SATB2: variants seen among roughly 807,000 people sequenced by gnomAD.
The protein encoded by SATB2 is DNA-binding protein SATB2.
Under a neutral mutation model 73.4 loss-of-function variants are expected in SATB2, and 1 was observed. The ratio of observed to expected loss-of-function variants is 0.01; its 90% confidence interval spans 0.00 to 0.06. The LOEUF is 0.06. Ranked by LOEUF, SATB2 falls within the 10% of genes least tolerant of loss-of-function variation. The probability of loss-of-function intolerance (pLI) is 1.00; values close to 1 mark genes in which losing one functional copy is unlikely to be tolerated. For missense variants in SATB2, 459 were observed against 945.8 expected (o/e 0.49, Z 6.75); for synonymous variants, 397 against 367.0 (o/e 1.08, Z -0.93).
At chr2:199,386,714 GCGCACACACACACACA>G (rs1327876868) in intron 3 of SATB2, among the ~76,000 whole-genome samples, 3,496 of 22,262 alleles carry the variant, frequency 0.16, 61 homozygotes, top group Non-Finnish European at 0.2. Context: ...GCGCGCGCGC[GCGCACACACACACACA>G]CACACACACA....
chr2:199,306,853 C>A (rs1284824350), intron 10 of SATB2, among the ~76,000 whole-genome samples: 1 of 152,156 alleles, frequency 6.6e-6, no homozygotes, highest in Admixed American at 6.5e-5. Flanking sequence ...ACAAACAATG[C>A]ATTTTATTAC....
chr2:199,461,075 T>C (rs1165276682), upstream of SATB2, among the ~76,000 whole-genome samples: 2 of 152,216 alleles, frequency 1.3e-5, no homozygotes, highest in Non-Finnish European at 2.9e-5. Flanking sequence ...AAATGTCAAA[T>C]ACGATTAATT....
At chr2:199,384,566 T>C (rs1689873260) in intron 3 of SATB2, among the ~76,000 whole-genome samples, 2 of 152,322 alleles carry the variant, frequency 1.3e-5, no homozygotes, top group South Asian at 4.1e-4. Context: ...TGATATAAAA[T>C]AGACAAAAAT....
intron 7 of SATB2, among the ~76,000 whole-genome samples, chr2:199,330,862 G>C (rs1275441871): frequency 2.0e-5 from 3 of 152,084 alleles, no homozygotes; most frequent in Non-Finnish European, 4.4e-5. Flanking sequence ...GCATATAAAG[G>C]ATGAGTTGGT....
At chr2:199,298,936 A>G (rs1687200206) in intron 10 of SATB2, among the ~76,000 whole-genome samples, 1 of 152,200 alleles carries the variant, frequency 6.6e-6, no homozygotes, top group South Asian at 2.1e-4. Context: ...TTCCTAGAAC[A>G]GCATGTGACT....
chr2:199,411,832 TA>T (rs1690829181), intron 3 of SATB2, among the ~76,000 whole-genome samples: 1 of 152,196 alleles, frequency 6.6e-6, no homozygotes, highest in Non-Finnish European at 1.5e-5. Flanking sequence ...ATAAGTGTTA[TA>T]GGGGCATAAA....
In SATB2 at chr2:199,439,830, G is replaced by A. The variant is rs544654948; in HGVS notation, c.170-6316C>T. 6.6e-5 allele frequency among the ~76,000 whole-genome samples: 10 copies of A among 152,166 alleles called. No individual in the cohort carries two copies. In the South Asian group the frequency reaches 1.5e-3, roughly 22 times the overall value. ...CATCCTAAAATAATAGAGGCTGGGC[G>A]CAGTGGCTCACACCTGTAATCTCAG... On this transcript the variant is annotated intron_variant, in intron 2 of 10. Transcript: ENST00000417098.
In SATB2 at chr2:199,272,012, T is replaced by C. The variant is rs1692171907; in HGVS notation, c.*199A>G. ...ATGTCTGATTCGGAAATACTGAACT[T>C]ATTCAGTCTATAGGTGTATCCTGTG... is the stretch of plus-strand genomic sequence containing the variant. On this transcript the variant is annotated 3_prime_UTR_variant, in exon 11 of 11. Transcript: ENST00000417098. The surrounding 1 kb of genome is among the most constrained non-coding windows in gnomAD (Gnocchi z 6.7). 1 of 619,466 alleles carries C rather than the reference T, an allele frequency of 1.6e-6. No homozygotes were observed. The allele number at this position is 619,466 out of a possible 1,614,324, so 38.4% of individuals were successfully genotyped here. A position where few individuals can be genotyped will look rare whatever the true frequency, so the allele number is the denominator to read the frequency against.
chr2:199,457,952 C>CAG (rs976139030), upstream of SATB2: 4 of 152,990 alleles, frequency 2.6e-5, no homozygotes, highest in Non-Finnish European at 5.9e-5. The surrounding 1 kb of genome is among the most constrained non-coding windows in gnomAD (Gnocchi z 4.8). Context: ...TGACAAGCCG[C>CAG]AGAGAGAGAC....
chr2:199,280,387 T>C (rs1406862734), intron 10 of SATB2, among the ~76,000 whole-genome samples: 4 of 152,040 alleles, frequency 2.6e-5, no homozygotes, highest in East Asian at 3.9e-4. Flanking sequence ...AATATGAAAT[T>C]TGGGCACCTT....
intron 10 of SATB2, among the ~76,000 whole-genome samples, chr2:199,284,510 GA>G (rs1692627198): frequency 6.6e-6 from 1 of 152,076 alleles, no homozygotes; most frequent in Non-Finnish European, 1.5e-5. Flanking sequence ...ACATCTACCT[GA>G]GGCTGGATTT....
chr2:199,458,818 G>C (rs561287338), upstream of SATB2: 3 of 337,684 alleles, frequency 8.9e-6, no homozygotes, highest in Non-Finnish European at 1.8e-5. Flanking sequence ...CGGTGCCTGC[G>C]AGCTCCCCCT....
At position 199,308,681 on chromosome 2, in the gene SATB2, G is replaced by T; in HGVS notation, c.1740+79C>A. The T allele has an allele frequency of 8.1e-7, 1 of 1,232,646 alleles. No homozygotes were observed. Among genetic ancestry groups the T allele is most frequent in the Non-Finnish European group, 1.2e-6 (1 of 843,938 alleles). 76.4% of individuals were successfully genotyped at this position (1,232,646 alleles called of 1,614,324 possible). Reference sequence around the variant, plus strand: ...CCTCTGACAGAAGTTGGTGTGGTGTGTGCCACTTGGACCCTCAGCAGCTAC... The same window carrying T: ...CCTCTGACAGAAGTTGGTGTGGTGTTTGCCACTTGGACCCTCAGCAGCTAC... On this transcript the variant is annotated intron_variant, in intron 10 of 10. Coordinates refer to ENST00000417098, the MANE Select transcript of SATB2 (RefSeq NM_001172509.2). This position sits in a 1 kb window ranked among gnomAD's most constrained non-coding sequence, Gnocchi z 4.6.
At chr2:199,291,927 A>G (rs918323622) in intron 10 of SATB2, among the ~76,000 whole-genome samples, 41 of 152,204 alleles carry the variant, frequency 2.7e-4, no homozygotes, top group African/African-American at 9.4e-4. Context: ...AAAATAAATA[A>G]AAATAAAAAC....
At chr2:199,374,185 C>T (rs1021545171) in intron 5 of SATB2, among the ~76,000 whole-genome samples, 3 of 152,220 alleles carry the variant, frequency 2.0e-5, no homozygotes, top group Non-Finnish European at 4.4e-5. Context: ...AACATCTCTG[C>T]AGCTCAATAG....
intron 6 of SATB2, among the ~76,000 whole-genome samples, chr2:199,360,026 T>C (rs1574545068): frequency 6.6e-6 from 1 of 152,224 alleles, no homozygotes; most frequent in Admixed American, 6.5e-5. Context: ...GTATCTTACA[T>C]AGCATTTATA....
chr2:199,425,862 C>T (rs115836380), intron 3 of SATB2, among the ~76,000 whole-genome samples: 1 of 152,232 alleles, frequency 6.6e-6, no homozygotes, highest in African/African-American at 2.4e-5. Flanking sequence ...TCACTGTGTG[C>T]ATATGAACAT....
intron 10 of SATB2, among the ~76,000 whole-genome samples, chr2:199,288,185 G>A (rs1206654173): frequency 1.3e-5 from 2 of 152,182 alleles, no homozygotes; most frequent in Non-Finnish European, 2.9e-5. Flanking sequence ...TTTAGAGTGG[G>A]TTATAAAGAG....
intron 7 of SATB2, among the ~76,000 whole-genome samples, chr2:199,331,483 A>G (rs967555984): frequency 1.3e-5 from 2 of 152,102 alleles, no homozygotes; most frequent in African/African-American, 4.8e-5. Flanking sequence ...TCCACATATT[A>G]CCCCCAGAGA....
Sources: allele counts gnomAD v4.1 joint callset (sites outside exome capture counted in the v4.1 genomes callset), GRCh38; gene constraint gnomAD v4.1.1; non-coding constraint Gnocchi (gnomAD v3.1); transcripts MANE v1.5; gene names NCBI Gene and HGNC (gene_info 2026-07-23, HGNC 2026-07-21).